Variants in MYO10 observed in about 807,000 individuals in gnomAD.
MYO10 encodes unconventional myosin-X.
In MYO10, 133 loss-of-function variants were observed where a neutral mutation model predicts 257.3. The observed-to-expected ratio is 0.52, with a 90% confidence interval of 0.45 to 0.60. The LOEUF (loss-of-function observed/expected upper bound fraction) is 0.60, where lower values mean the gene tolerates loss of function less well. Ranked by LOEUF, MYO10 falls within the 20% of genes least tolerant of loss-of-function variation. MYO10 has a pLI of 0.00. For synonymous variants in MYO10, 1,104 were observed against 1,028.6 expected (o/e 1.07, Z -1.40); for missense variants, 2,399 against 2,635.7 (o/e 0.91, Z 1.97).
intron 3 of MYO10, among the ~76,000 whole-genome samples, chr5:16,799,226 T>G (rs1019699572): frequency 3.9e-5 from 6 of 152,242 alleles, no homozygotes; most frequent in African/African-American, 1.4e-4. Flanking sequence ...CTGCTCGTTC[T>G]GACAGTGTGG....
At chr5:16,864,836 G>A (rs1400852263) in intron 2 of MYO10, among the ~76,000 whole-genome samples, 2 of 152,166 alleles carry the variant, frequency 1.3e-5, no homozygotes, top group Non-Finnish European at 2.9e-5. Flanking sequence ...GAACCACGTG[G>A]CTTCCAGAGC....
At chr5:16,753,706 T>C (rs1424708253) in intron 19 of MYO10, among the ~76,000 whole-genome samples, 1 of 149,472 alleles carries the variant, frequency 6.7e-6, no homozygotes, top group African/African-American at 2.5e-5. Context: ...CCTGACCTCA[T>C]GTGACCCGCC....
chr5:16,671,342 G>GT, intron 38 of MYO10, 80 bp downstream of exon 38: 2 of 1,516,630 alleles, frequency 1.3e-6, no homozygotes, highest in Non-Finnish European at 9.0e-7. Context: ...CTAAGTACCA[G>GT]TTAACTTACA....
At chr5:16,826,231 C>T (rs1742996597) in intron 2 of MYO10, among the ~76,000 whole-genome samples, 1 of 152,080 alleles carries the variant, frequency 6.6e-6, no homozygotes, top group Non-Finnish European at 1.5e-5. Context: ...AGAATCATTT[C>T]TAGCTGGATT....
intron 19 of MYO10, among the ~76,000 whole-genome samples, chr5:16,727,962 T>C: frequency 6.6e-6 from 1 of 152,102 alleles, no homozygotes; most frequent in East Asian, 1.9e-4. Flanking sequence ...GCCCTTTCTC[T>C]TTAATTATGT....
chr5:16,837,730 C>G (rs1461672126), intron 2 of MYO10, among the ~76,000 whole-genome samples: 2 of 152,110 alleles, frequency 1.3e-5, no homozygotes, highest in African/African-American at 4.8e-5. Flanking sequence ...TGGTGCCTTT[C>G]CCTCACTGGC....
At chr5:16,883,421 T>C (rs1437737716) in intron 1 of MYO10, among the ~76,000 whole-genome samples, 1 of 152,122 alleles carries the variant, frequency 6.6e-6, no homozygotes, top group Non-Finnish European at 1.5e-5. Flanking sequence ...TCCAGTAACA[T>C]AGACTAGAGG....
chr5:16,800,072 A>G (rs1221133526), intron 3 of MYO10, among the ~76,000 whole-genome samples: 1 of 152,214 alleles, frequency 6.6e-6, no homozygotes, highest in East Asian at 1.9e-4. Context: ...AAAACCATCC[A>G]GCTGGTTTAG....
chr5:16,920,990 C>A (rs375604342), intron 1 of MYO10, among the ~76,000 whole-genome samples: 45 of 151,940 alleles, frequency 3.0e-4, no homozygotes, highest in African/African-American at 1.1e-3. Flanking sequence ...TGGTGGTGGG[C>A]GCCTGTAATC....
At chr5:16,913,568 G>A (rs1745732076) in intron 1 of MYO10, among the ~76,000 whole-genome samples, 1 of 152,188 alleles carries the variant, frequency 6.6e-6, no homozygotes, top group African/African-American at 2.4e-5. Flanking sequence ...CCAGTGCCCA[G>A]AGTGCCAGGG....
chr5:16,792,841 G>A lies in MYO10; in HGVS notation c.467+1805C>T, dbSNP rs117361293. On this transcript the variant is annotated intron_variant, in intron 4 of 40. Coordinates refer to ENST00000513610, the MANE Select transcript of MYO10 (RefSeq NM_012334.3). ...CTTACTTCCACTGAATCGGAAATCC[G>A]GAGAGAGGGGTCTTTTTAGTGTCCC... Among the ~76,000 whole-genome samples, 25 of 152,198 alleles carry A rather than the reference G, an allele frequency of 1.6e-4. No homozygotes were observed. The East Asian group carries it at 3.5e-3, about 21-fold the overall frequency.
intron 34 of MYO10, 82 bp from the exon 35 acceptor site, chr5:16,675,232 A>C (rs2126477941): frequency 7.0e-7 from 1 of 1,437,836 alleles, no homozygotes; most frequent in East Asian, 2.3e-5. Flanking sequence ...TAGTCAAGAC[A>C]AAGGAATAAA....
At chr5:16,751,311 G>C (rs1579949205) in intron 19 of MYO10, among the ~76,000 whole-genome samples, 1 of 152,062 alleles carries the variant, frequency 6.6e-6, no homozygotes, top group East Asian at 1.9e-4. Flanking sequence ...ACATTTCACA[G>C]AACATAATAG....
chr5:16,828,899 A>T (rs1179963558), intron 2 of MYO10, among the ~76,000 whole-genome samples: 3 of 152,014 alleles, frequency 2.0e-5, no homozygotes, highest in African/African-American at 7.2e-5. Context: ...ACTAGGTTTA[A>T]TCTCACTCAT....
chr5:16,691,336 AGT>A (rs1737492542), intron 27 of MYO10, among the ~76,000 whole-genome samples: 1 of 152,076 alleles, frequency 6.6e-6, no homozygotes, highest in African/African-American at 2.4e-5. Flanking sequence ...AAACTAAAAT[AGT>A]CTGGTTAGAA....
At chr5:16,889,077 G>C (rs55952812) in intron 1 of MYO10, among the ~76,000 whole-genome samples, 2 of 152,070 alleles carry the variant, frequency 1.3e-5, no homozygotes, top group Non-Finnish European at 2.9e-5. Context: ...GCAGGCTGAG[G>C]TGGGAGGATG....
intron 19 of MYO10, among the ~76,000 whole-genome samples, chr5:16,723,805 G>A (rs969293358): frequency 2.0e-5 from 3 of 152,140 alleles, no homozygotes; most frequent in Non-Finnish European, 2.9e-5. Flanking sequence ...AAAAAGATGC[G>A]GAGGAACCTC....
chr5:16,818,402 G>GTATATA (rs1742698804), intron 2 of MYO10, among the ~76,000 whole-genome samples: 1 of 117,502 alleles, frequency 8.5e-6, no homozygotes, highest in Non-Finnish European at 1.8e-5. Flanking sequence ...GTGTGTGTGT[G>GTATATA]TGTGTGTGTA....
intron 1 of MYO10, among the ~76,000 whole-genome samples, chr5:16,895,017 A>T (rs1180924336): frequency 6.6e-6 from 1 of 152,208 alleles, no homozygotes. Flanking sequence ...AGCACAAGAA[A>T]AAACAGTCTC....
Sources: allele counts gnomAD v4.1 joint callset (sites outside exome capture counted in the v4.1 genomes callset), GRCh38; gene constraint gnomAD v4.1.1; transcripts MANE v1.5; gene names NCBI Gene and HGNC (gene_info 2026-07-23, HGNC 2026-07-21).